Variants in EPSTI1 observed in about 807,000 individuals in gnomAD.
EPSTI1 encodes the protein epithelial stromal interaction 1.
EPSTI1 carries 66 observed loss-of-function variants against 49.9 expected under a neutral mutation model. The ratio of observed to expected loss-of-function variants is 1.32; its 90% CI spans 1.08 to 1.62. EPSTI1 has a LOEUF of 1.62. Ranked by LOEUF, EPSTI1 falls within the 40% of genes most tolerant of loss-of-function variation. EPSTI1 has a pLI of 0.00. For synonymous variants in EPSTI1, 137 were observed against 130.7 expected (o/e 1.05, Z -0.33); for missense variants, 394 against 365.5 (o/e 1.08, Z -0.64).
chr13:42,905,397 C>T (rs1027336865), intron 8 of EPSTI1, among the ~76,000 whole-genome samples: 50 of 152,244 alleles, frequency 3.3e-4, no homozygotes, highest in African/African-American at 8.9e-4. Flanking sequence ...TTCTTCCGTA[C>T]TAAGAAGGAT....
chr13:42,902,675 C>T (rs1205366467), intron 8 of EPSTI1, among the ~76,000 whole-genome samples: 2 of 152,054 alleles, frequency 1.3e-5, no homozygotes, highest in East Asian at 3.8e-4. Flanking sequence ...TTATTTGATC[C>T]TAACAACAAT....
intron 1 of EPSTI1, among the ~76,000 whole-genome samples, chr13:42,979,584 C>CAAAAAA (rs144646467): frequency 7.4e-5 from 6 of 81,006 alleles, no homozygotes; most frequent in African/African-American, 2.8e-4. Context: ...GACTCCGTCT[C>CAAAAAA]AAAAAAAAAA....
Position 42,917,601 on chromosome 13 carries a change from A to G in EPSTI1, c.681T>C (p.Asp227=), listed in dbSNP as rs141768190. ...TTCTGTTTTCTTCTGCCTTTAGAGA[A>G]TCTCTGTAAGCCCAGCTTCTGGCCT... ...STWARSWAYR[D]SLKAEENRKL... The change falls in exon 8 of 11, where the codon GAT becomes GAC. Residue 227 remains aspartate, a synonymous_variant. Coordinates refer to ENST00000313624, the MANE Select transcript of EPSTI1 (RefSeq NM_033255.5). 159 of 1,495,814 alleles carry G rather than the reference A, an allele frequency of 1.1e-4. No homozygotes were observed. The East Asian group carries it at 3.5e-3, about 33-fold the overall frequency. 92.7% of individuals were successfully genotyped at this position (1,495,814 alleles called of 1,614,324 possible).
At chr13:42,991,940 G>A in intron 1 of EPSTI1, 38 bp downstream of exon 1, 2 of 1,610,614 alleles carry the variant, frequency 1.2e-6, no homozygotes, top group Non-Finnish European at 1.7e-6. Flanking sequence ...TTTGGGGCCC[G>A]GGCTCCCGCC....
Position 42,916,457 on chromosome 13 carries a change from G to A in EPSTI1, c.741+1084C>T, listed in dbSNP as rs55808854. Among the ~76,000 whole-genome samples, 1,383 of 152,114 alleles carry A rather than the reference G, an allele frequency of 9.1e-3. 26 individuals are homozygous for A. The highest frequency in any genetic ancestry group is 0.031 in the African/African-American group (1,299 of 41,510). ...TGGGCGAAACTATGAATGAGAAAGG[G>A]GTTCCACACTGTTGGGAAGAAGATA... On this transcript the variant is annotated intron_variant, in intron 8 of 10. Coordinates refer to ENST00000313624, the MANE Select transcript of EPSTI1 (RefSeq NM_033255.5).
Position 42,944,023 on chromosome 13 carries a change from T to C in EPSTI1, c.563+9925A>G, listed in dbSNP as rs180733713. Among the ~76,000 whole-genome samples, 55 of 152,180 alleles carry C rather than the reference T, an allele frequency of 3.6e-4. 1 individual carries two copies. The East Asian group carries it at 9.3e-3, about 26-fold the overall frequency. ...TCATTAAAAAGTCAGGAAAAAACAGTTGCTGGAGAGGATGTGGAGAAATAG... is the reference window on the plus strand; with the variant it reads ...TCATTAAAAAGTCAGGAAAAAACAGCTGCTGGAGAGGATGTGGAGAAATAG... On this transcript the variant is annotated intron_variant, in intron 6 of 10. Coordinates refer to ENST00000313624, the MANE Select transcript of EPSTI1 (RefSeq NM_033255.5).
Position 42,970,657 on chromosome 13 carries a change from T to C in EPSTI1, c.202A>G (p.Thr68Ala). The change falls in exon 2 of 11, where the codon ACC becomes GCC. Residue 68 changes from threonine to alanine, a missense_variant. Thr to Ala is a moderately conservative substitution (Grantham distance 58, BLOSUM62 0). Transcript: ENST00000313624. ...CGGTTTATATTTGGTGCTATCAAGGTGTATGCACTTGTGCTAAAAGGAAGA... is the reference window on the plus strand; with the variant it reads ...CGGTTTATATTTGGTGCTATCAAGGCGTATGCACTTGTGCTAAAAGGAAGA... ...HAGQRRTSAY[T>A]LIAPNINRRN... 6.2e-7 allele frequency: 1 copy of C among 1,608,040 alleles called. No homozygotes were observed. The highest frequency in any genetic ancestry group is 8.5e-7 in the Non-Finnish European group (1 of 1,178,490).
In EPSTI1 at chr13:42,990,934, T is replaced by A. The variant is rs953387162; in HGVS notation, c.188+1044A>T. Among the ~76,000 whole-genome samples the A allele has an allele frequency of 3.3e-5, 5 of 152,248 alleles. No homozygotes were observed. The South Asian group carries it at 1.0e-3, about 31-fold the overall frequency. ...GATAAACCATACTGTTGAGTTAAAG[T>A]TCATTCCATTGGCTAGAAAGAGAGG... On this transcript the variant is annotated intron_variant, in intron 1 of 10. Coordinates refer to ENST00000313624, the MANE Select transcript of EPSTI1 (RefSeq NM_033255.5).
intron 6 of EPSTI1, among the ~76,000 whole-genome samples, chr13:42,946,220 A>G (rs756002080): frequency 2.6e-5 from 4 of 152,352 alleles, no homozygotes; most frequent in Non-Finnish European, 2.9e-5. Flanking sequence ...CCCCATAGGA[A>G]CTAATCACAC....
intron 1 of EPSTI1, among the ~76,000 whole-genome samples, chr13:42,985,479 C>G (rs1236814030): frequency 6.6e-6 from 1 of 152,178 alleles, no homozygotes; most frequent in African/African-American, 2.4e-5. Context: ...GAGAATCTTC[C>G]CTTCATGGCC....
At chr13:42,930,973 G>A (rs1347666085) in intron 6 of EPSTI1, among the ~76,000 whole-genome samples, 1 of 152,176 alleles carries the variant, frequency 6.6e-6, no homozygotes, top group Non-Finnish European at 1.5e-5. Context: ...GCTAGACTAC[G>A]TTTCCCAGCT....
chr13:42,957,671 G>GT lies in EPSTI1; in HGVS notation c.490-3651dup, dbSNP rs1362289126. Among the ~76,000 whole-genome samples, 8 of 152,280 alleles carry GT rather than the reference G, an allele frequency of 5.3e-5. No individual in the cohort carries two copies. In the East Asian group the frequency reaches 1.4e-3, roughly 26 times the overall value. On this transcript the variant is annotated intron_variant, in intron 5 of 10. Coordinates refer to ENST00000313624, the MANE Select transcript of EPSTI1 (RefSeq NM_033255.5). ...GCTCACTGCAACCTCTGCCTCCCAG[G>GT]TTCAAGTGATCCTCATGCCTCAGCC... is the stretch of plus-strand genomic sequence containing the variant.
At chr13:42,927,918 G>A (rs1276225677) in intron 6 of EPSTI1, among the ~76,000 whole-genome samples, 1 of 152,200 alleles carries the variant, frequency 6.6e-6, no homozygotes, top group Non-Finnish European at 1.5e-5. Flanking sequence ...AATATCCTAA[G>A]CCAAGTGCAG....
rs2147353 is a variant in EPSTI1, at chr13:42,922,708, G to A, written c.657+3628C>T. 0.98 allele frequency among the ~76,000 whole-genome samples: 149,439 copies of A among 152,308 alleles called. 73,367 individuals are homozygous for A. Among genetic ancestry groups the A allele is most frequent in the Middle Eastern group, 1 (294 of 294 alleles). ...ATTCAAGCGGCGCAAAGGGACACAT[G>A]TTAAGTACTTTATTTGACTTCTTAA... is the stretch of plus-strand genomic sequence containing the variant. On this transcript the variant is annotated intron_variant, in intron 7 of 10. Transcript: ENST00000313624. This position sits in a 1 kb window ranked among gnomAD's most constrained non-coding sequence, Gnocchi z 4.8.
chr13:42,901,471 G>A (rs2037350276), intron 8 of EPSTI1, among the ~76,000 whole-genome samples: 1 of 152,052 alleles, frequency 6.6e-6, no homozygotes, highest in Non-Finnish European at 1.5e-5. Flanking sequence ...CACTAATAAG[G>A]GGAAATCATT....
intron 10 of EPSTI1, among the ~76,000 whole-genome samples, chr13:42,893,284 AT>A (rs2037091694): frequency 6.6e-6 from 1 of 152,208 alleles, no homozygotes; most frequent in South Asian, 2.1e-4. Flanking sequence ...ACATTCAGCA[AT>A]TCAGTAGAGA....
chr13:42,900,921 C>G (rs947587281), intron 8 of EPSTI1, among the ~76,000 whole-genome samples: 1 of 152,166 alleles, frequency 6.6e-6, no homozygotes, highest in Non-Finnish European at 1.5e-5. Context: ...ACTTTGAGAT[C>G]TCTGGAGGAG....
chr13:42,938,200 A>T (rs752375237), intron 6 of EPSTI1, among the ~76,000 whole-genome samples: 2 of 152,118 alleles, frequency 1.3e-5, no homozygotes, highest in Non-Finnish European at 2.9e-5. Context: ...CAAAAGTTTA[A>T]GTTGAAATAT....
At chr13:42,941,113 A>G (rs2038738172) in intron 6 of EPSTI1, among the ~76,000 whole-genome samples, 2 of 152,142 alleles carry the variant, frequency 1.3e-5, no homozygotes, top group South Asian at 4.1e-4. Context: ...AGATTTGTAT[A>G]TTGCTTAAAA....
Sources: gnomAD v4.1 joint callset for allele counts (sites outside exome capture counted in the v4.1 genomes callset) on GRCh38, gnomAD v4.1.1 for gene constraint, Gnocchi (gnomAD v3.1) non-coding constraint, MANE v1.5 for transcripts, NCBI Gene and HGNC (gene_info 2026-07-23, HGNC 2026-07-21) for gene names.